IL12RB2: variants seen among roughly 807,000 people sequenced by gnomAD.
The protein encoded by IL12RB2 is interleukin-12 receptor subunit beta-2.
IL12RB2 carries 82 observed loss-of-function variants against 89.4 expected under a neutral mutation model. The ratio of observed to expected loss-of-function variants is 0.92; its 90% CI spans 0.77 to 1.10. The LOEUF (loss-of-function observed/expected upper bound fraction) is 1.10, where lower values mean the gene tolerates loss of function less well. IL12RB2 is among the 50% of genes least tolerant of loss of function. IL12RB2 has a pLI of 0.00. For synonymous variants in IL12RB2, 368 were observed against 370.1 expected, an observed-to-expected ratio of 0.99 and a Z score of 0.07; for missense variants, 963 against 1,031.9, an observed-to-expected ratio of 0.93 and a Z score of 0.92.
chr1:67,319,759 A>G (rs1656249358), intron 2 of IL12RB2, among the ~76,000 whole-genome samples: 1 of 152,156 alleles, frequency 6.6e-6, no homozygotes, highest in East Asian at 1.9e-4. Context: ...GTCCCCCTCA[A>G]ATTTATATGT....
intron 8 of IL12RB2, among the ~76,000 whole-genome samples, chr1:67,336,866 G>C (rs1658836771): frequency 6.6e-6 from 1 of 152,154 alleles, no homozygotes. Flanking sequence ...CAGCACTTCA[G>C]TTTTCAAATG....
intron 1 of IL12RB2, among the ~76,000 whole-genome samples, chr1:67,310,576 G>A (rs746196644): frequency 7.9e-5 from 12 of 152,160 alleles, no homozygotes; most frequent in South Asian, 4.2e-4. Flanking sequence ...CTTAATTCTC[G>A]TAGTGTCACT....
intron 9 of IL12RB2, among the ~76,000 whole-genome samples, chr1:67,346,449 C>T (rs12565702): frequency 1.5e-5 from 2 of 133,852 alleles, no homozygotes; most frequent in Non-Finnish European, 3.0e-5. Flanking sequence ...TGCAGTGGTG[C>T]GATATTAGCT....
chr1:67,386,920 T>C (rs1665256034), intron 15 of IL12RB2, among the ~76,000 whole-genome samples: 1 of 86,768 alleles, frequency 1.2e-5, no homozygotes, highest in African/African-American at 4.0e-5. Context: ...ATATATATTC[T>C]TTTTTTCCCC....
intron 2 of IL12RB2, among the ~76,000 whole-genome samples, chr1:67,314,734 G>T (rs1655535733): frequency 6.6e-6 from 1 of 152,134 alleles, no homozygotes; most frequent in Non-Finnish European, 1.5e-5. Context: ...TTCATGCTTT[G>T]TGCTTCTCTC....
At chr1:67,375,853 T>C (rs960809252) in intron 13 of IL12RB2, among the ~76,000 whole-genome samples, 17 of 150,572 alleles carry the variant, frequency 1.1e-4, no homozygotes, top group East Asian at 1.9e-4. Flanking sequence ...TTTTCTTTTT[T>C]TTTTTTTTTT....
intron 2 of IL12RB2, among the ~76,000 whole-genome samples, chr1:67,319,686 C>T (rs1276164516): frequency 1.3e-5 from 2 of 152,156 alleles, no homozygotes; most frequent in Non-Finnish European, 2.9e-5. Flanking sequence ...TGCACATGGT[C>T]TCAAGTATTT....
At chr1:67,387,473 C>T (rs539547124) in intron 15 of IL12RB2, among the ~76,000 whole-genome samples, 2 of 151,352 alleles carry the variant, frequency 1.3e-5, no homozygotes, top group Non-Finnish European at 1.5e-5. Context: ...GAGGCTGAGG[C>T]GGGCGGATCA....
At position 67,395,665 on chromosome 1, in the gene IL12RB2, C is replaced by G; in HGVS notation, c.2165C>G (p.Pro722Arg). 2 of 1,614,218 alleles carry G rather than the reference C, an allele frequency of 1.2e-6. No individual in the cohort carries two copies. The highest frequency in any genetic ancestry group is 1.1e-5 in the South Asian group (1 of 91,086). ...GTGACCCCAGTTTTCAGACATCCCC[C>G]CTGCTCCAACTGGCCACAAAGGGAA... ...HQVTPVFRHP[P>R]CSNWPQREKG... The change falls in exon 17 of 17, where the codon CCC becomes CGC. Residue 722 changes from proline to arginine, a missense_variant. Transcript: ENST00000674203.
In IL12RB2 at chr1:67,395,706, C is replaced by T. The variant is rs775855535; in HGVS notation, c.2206C>T (p.His736Tyr). Residue 736 changes from histidine (H) to tyrosine (Y), a missense_variant, in exon 17 of 17, where the codon CAT becomes TAT. Transcript: ENST00000674203. ...WPQREKGIQG[H>Y]QASEKDMMHS... ...ACAAAGGGAAAAAGGAATCCAAGGT[C>T]ATCAGGCCTCTGAGAAAGACATGAT... 1.4e-5 allele frequency: 22 copies of T among 1,614,064 alleles called. No homozygotes were observed. The highest frequency in any genetic ancestry group is 3.3e-4 in the Middle Eastern group (2 of 6,084).
intron 9 of IL12RB2, among the ~76,000 whole-genome samples, chr1:67,344,049 G>T (rs1659951933): frequency 1.3e-5 from 2 of 152,162 alleles, no homozygotes; most frequent in Admixed American, 6.6e-5. Flanking sequence ...GGACATTTGG[G>T]TGTTAGGGAG....
intron 13 of IL12RB2, among the ~76,000 whole-genome samples, chr1:67,379,509 CAAAAAA>C (rs58494224): frequency 1.5e-5 from 1 of 68,492 alleles, no homozygotes; most frequent in African/African-American, 5.9e-5. Flanking sequence ...GAACCTGTCT[CAAAAAA>C]AAAAAAAAAA....
chr1:67,379,890 A>G (rs948838788), intron 13 of IL12RB2, 96 bp from the exon 14 acceptor site: 1 of 1,007,568 alleles, frequency 9.9e-7, no homozygotes, highest in Non-Finnish European at 1.6e-6. Flanking sequence ...TTTCCTTCCA[A>G]ATTAAATGAA....
chr1:67,353,825 A>G (rs1343201508), intron 10 of IL12RB2, among the ~76,000 whole-genome samples: 2 of 152,230 alleles, frequency 1.3e-5, no homozygotes, highest in Non-Finnish European at 2.9e-5. Context: ...ATAAATCAGA[A>G]TAACTTACTT....
At position 67,380,073 on chromosome 1, in the gene IL12RB2, C is replaced by A; in HGVS notation, c.1805C>A (p.Thr602Lys). 2 of 1,614,110 alleles carry A rather than the reference C, an allele frequency of 1.2e-6. No homozygotes were observed. The highest frequency in any genetic ancestry group is 1.7e-6 in the Non-Finnish European group (2 of 1,179,934). ...TATGTCCTGTGGATGACAGCTCTGA[C>A]AGCTGCTGGTGAAAGTTCCCACGGA... The part of the protein sequence containing the change: ...VTYVLWMTAL[T>K]AAGESSHGNE... The change falls in exon 14 of 17, where the codon ACA becomes AAA. Residue 602 changes from threonine to lysine, a missense_variant. Thr to Lys is a moderately conservative substitution (Grantham distance 78). Coordinates refer to ENST00000674203, the MANE Select transcript of IL12RB2 (RefSeq NM_001374259.2).
intron 10 of IL12RB2, among the ~76,000 whole-genome samples, chr1:67,354,967 C>G (rs1661225056): frequency 6.6e-6 from 1 of 152,138 alleles, no homozygotes; most frequent in Non-Finnish European, 1.5e-5. Context: ...AAGTTACATG[C>G]TAGCCAGGCA....
In IL12RB2 at chr1:67,380,259, T is replaced by TAAACA. The variant is rs1419061406; in HGVS notation, c.1855+136_1855+137insAAACA. On this transcript the variant is annotated intron_variant, in intron 14 of 16. Transcript: ENST00000674203. Reference sequence around the variant, plus strand: ...TTTCTTGCTGTCACTTTACACTTGCTGTTTCTCCTAAATAGAATGCTTTAC... The same window carrying TAAACA: ...TTTCTTGCTGTCACTTTACACTTGCTAAACAGTTTCTCCTAAATAGAATGCTTTAC... The TAAACA allele has an allele frequency of 6.4e-5, 54 of 845,566 alleles. No homozygotes were observed. In the African/African-American group the frequency reaches 8.5e-4, roughly 13 times the overall value. 52.4% of individuals were successfully genotyped at this position (845,566 alleles called of 1,614,324 possible).
At chr1:67,337,392 A>T (rs533644375) in intron 8 of IL12RB2, among the ~76,000 whole-genome samples, 1 of 152,306 alleles carries the variant, frequency 6.6e-6, no homozygotes, top group Non-Finnish European at 1.5e-5. Context: ...AAATCAAAAC[A>T]AATCTAAGTG....
chr1:67,373,015 T>C (rs1366937976), intron 13 of IL12RB2, among the ~76,000 whole-genome samples: 1 of 152,244 alleles, frequency 6.6e-6, no homozygotes, highest in African/African-American at 2.4e-5. Flanking sequence ...TTGCTAAGGA[T>C]ACAGAAATGA....
Sources: allele counts gnomAD v4.1 joint callset (sites outside exome capture counted in the v4.1 genomes callset), GRCh38; gene constraint gnomAD v4.1.1; transcripts MANE v1.5; gene names NCBI Gene and HGNC (gene_info 2026-07-23, HGNC 2026-07-21).